STOX2: variants seen among roughly 807,000 people sequenced by gnomAD.
STOX2 encodes the protein storkhead-box protein 2.
STOX2 carries 28 observed loss-of-function variants against 60.9 expected under a neutral mutation model. The ratio of observed to expected loss-of-function variants is 0.46; its 90% CI spans 0.34 to 0.63. The LOEUF (loss-of-function observed/expected upper bound fraction) is 0.63. Among genes scored for constraint, STOX2 ranks in the 30% least tolerant of loss-of-function variants. STOX2 has a pLI of 0.01. For missense variants in STOX2, 1,024 were observed against 1,187.7 expected (o/e 0.86, Z 2.03); for synonymous variants, 472 against 463.9 (o/e 1.02, Z -0.22).
chr4:183,890,560 G>A lies in STOX2; in HGVS notation c.364+92505G>A, dbSNP rs1333105522. Among the ~76,000 whole-genome samples, 4 of 151,632 alleles carry A rather than the reference G, an allele frequency of 2.6e-5. No homozygotes were observed. The East Asian group carries it at 5.8e-4, about 22-fold the overall frequency. Reference sequence around the variant, plus strand: ...AAGGAAGGAGAGAGGGAGGAATGGAGGGAGGAAGGAAAGAAGGGAGGGAGG... The same window carrying A: ...AAGGAAGGAGAGAGGGAGGAATGGAAGGAGGAAGGAAAGAAGGGAGGGAGG... On this transcript the variant is annotated intron_variant, in intron 1 of 2. Coordinates refer to the STOX2 transcript ENST00000513034.
upstream of STOX2, among the ~76,000 whole-genome samples, chr4:183,902,466 A>G (rs930033071): frequency 6.6e-6 from 1 of 152,200 alleles, no homozygotes; most frequent in African/African-American, 2.4e-5. Flanking sequence ...TCATTCATTT[A>G]ATTCTAACTT....
intron 1 of STOX2, among the ~76,000 whole-genome samples, chr4:183,841,185 ATTTAT>A (rs940600949): frequency 6.8e-5 from 10 of 147,158 alleles, no homozygotes; most frequent in African/African-American, 2.5e-4. Flanking sequence ...CGTAGTATTT[ATTTAT>A]TTATTTATTT....
intron 1 of STOX2, among the ~76,000 whole-genome samples, chr4:183,803,706 T>G (rs1024003857): frequency 6.6e-6 from 1 of 152,156 alleles, no homozygotes; most frequent in Non-Finnish European, 1.5e-5. Context: ...CTCACACCTG[T>G]AATCCCAGCA....
intron 1 of STOX2, among the ~76,000 whole-genome samples, chr4:183,931,776 T>C (rs1472043169): frequency 6.6e-6 from 1 of 152,154 alleles, no homozygotes; most frequent in African/African-American, 2.4e-5. Flanking sequence ...AGAGCAGGCA[T>C]AAGCTGCAAC....
In STOX2 at chr4:184,009,284, C is replaced by G; in HGVS notation, c.446C>G (p.Ser149Cys). Residue 149 changes from serine (S) to cysteine (C), a missense_variant, in exon 3 of 4, where the codon TCC becomes TGC. Around this residue, in one of 3 missense-constraint regions of STOX2, gnomAD observed 922 missense variants for 1,058.3 expected, o/e 0.87. Coordinates refer to ENST00000308497, the MANE Select transcript of STOX2 (RefSeq NM_020225.3). The surrounding 1 kb of genome is among the most constrained non-coding windows in gnomAD (Gnocchi z 4.0). ...VTPQTYFITP[S>C]LIRTNSKWYH... is the part of the protein sequence containing the mutation. ...CCACAGACTTATTTCATAACTCCTT[C>G]CCTCATAAGAACTAACAGTAAATGG... 6.2e-7 allele frequency: 1 copy of G among 1,613,856 alleles called. No individual in the cohort carries two copies. Among genetic ancestry groups the G allele is most frequent in the Non-Finnish European group, 8.5e-7 (1 of 1,179,832 alleles).
In STOX2 at chr4:183,885,533, T is replaced by C. The variant is rs549947483; in HGVS notation, c.364+87478T>C. ...GAGGCCCCTCCATCTGTGGAGGCTGTGCAGGGTGCCGGCTGCCTCGCATTT... is the reference window on the plus strand; with the variant it reads ...GAGGCCCCTCCATCTGTGGAGGCTGCGCAGGGTGCCGGCTGCCTCGCATTT... On this transcript the variant is annotated intron_variant, in intron 1 of 2. Transcript: ENST00000513034. Among the ~76,000 whole-genome samples, 35 of 152,310 alleles carry C rather than the reference T, an allele frequency of 2.3e-4. 1 individual carries two copies. The South Asian group carries it at 6.8e-3, about 30-fold the overall frequency.
intron 1 of STOX2, chr4:183,987,899 G>GGA (rs1732916755): frequency 6.6e-6 from 1 of 152,248 alleles, no homozygotes; most frequent in Non-Finnish European, 1.5e-5. Flanking sequence ...ACACAACATA[G>GGA]GAAAATGTGG....
chr4:183,870,023 G>A (rs1436416709), intron 1 of STOX2, among the ~76,000 whole-genome samples: 2 of 152,180 alleles, frequency 1.3e-5, no homozygotes, highest in African/African-American at 4.8e-5. Flanking sequence ...ATTGATTTGG[G>A]ATGTCTCAGA....
At chr4:183,839,320 G>A (rs986019880) in intron 1 of STOX2, among the ~76,000 whole-genome samples, 8 of 152,112 alleles carry the variant, frequency 5.3e-5, no homozygotes, top group Admixed American at 2.0e-4. Context: ...TCAAATATGT[G>A]GGTACCGTGA....
chr4:183,864,325 A>T (rs1407040825), intron 1 of STOX2, among the ~76,000 whole-genome samples: 1 of 152,202 alleles, frequency 6.6e-6, no homozygotes, highest in Non-Finnish European at 1.5e-5. Flanking sequence ...CTTTGGATTA[A>T]AAAAACTAAA....
At position 184,001,084 on chromosome 4, in the gene STOX2, G is replaced by A. The variant is rs1467220306; in HGVS notation, c.167-241G>A. Among the ~76,000 whole-genome samples, 2 of 152,150 alleles carry A rather than the reference G, an allele frequency of 1.3e-5. No homozygotes were observed. The highest frequency in any genetic ancestry group is 6.5e-5 in the Admixed American group (1 of 15,276). On this transcript the variant is annotated intron_variant, in intron 1 of 3. Transcript: ENST00000308497. The surrounding 1 kb of genome is among the most constrained non-coding windows in gnomAD (Gnocchi z 4.2). Reference sequence around the variant, plus strand: ...ACTAGGACTATTTAAATGAGATCTCGGATGTTAAAGGGAAGTTTTATTTGT... The same window carrying A: ...ACTAGGACTATTTAAATGAGATCTCAGATGTTAAAGGGAAGTTTTATTTGT...
intron 1 of STOX2, among the ~76,000 whole-genome samples, chr4:183,967,374 A>G (rs557737015): frequency 1.6e-5 from 2 of 128,828 alleles, no homozygotes; most frequent in Non-Finnish European, 3.2e-5. Context: ...CTCAAGAGAA[A>G]AAAAAAAAAA....
At chr4:183,905,193 C>T (rs1415231855), upstream of STOX2, among the ~76,000 whole-genome samples, 2 of 152,246 alleles carry the variant, frequency 1.3e-5, no homozygotes, top group Non-Finnish European at 2.9e-5. Flanking sequence ...GGCGTGACCT[C>T]CGGGTCCCAG....
chr4:183,843,213 G>T (rs1429913700), intron 1 of STOX2, among the ~76,000 whole-genome samples: 1 of 151,962 alleles, frequency 6.6e-6, no homozygotes, highest in Non-Finnish European at 1.5e-5. Context: ...ATTGCAGGTG[G>T]TATCCCAATC....
At chr4:183,908,241 A>G (rs1271989115) in intron 1 of STOX2, among the ~76,000 whole-genome samples, 7 of 152,260 alleles carry the variant, frequency 4.6e-5, no homozygotes, top group Admixed American at 4.6e-4. Context: ...CCAAATTCGT[A>G]AAGAAAGTGA....
At chr4:183,956,103 G>A (rs1743240268) in intron 1 of STOX2, among the ~76,000 whole-genome samples, 1 of 152,104 alleles carries the variant, frequency 6.6e-6, no homozygotes, top group Admixed American at 6.5e-5. Context: ...CCTAGGTTGA[G>A]AGGTAACTGT....
At chr4:183,912,381 C>A (rs1406278065) in intron 1 of STOX2, among the ~76,000 whole-genome samples, 1 of 152,190 alleles carries the variant, frequency 6.6e-6, no homozygotes, top group Admixed American at 6.5e-5. Flanking sequence ...TCCACCTCTT[C>A]TTCTCTTTCC....
At chr4:183,986,060 C>T (rs1037485152) in intron 1 of STOX2, among the ~76,000 whole-genome samples, 6 of 151,424 alleles carry the variant, frequency 4.0e-5, no homozygotes, top group African/African-American at 1.5e-4. Flanking sequence ...AAGCTAGTGG[C>T]TTATCAACGA....
Position 184,001,554 on chromosome 4 carries a change from C to T in STOX2, c.319+77C>T. ...TCTAGGACTCACGTGGACTGTTCTG[C>T]CCATGTTTAAAGAGAATAGGAAAAC... On this transcript the variant is annotated intron_variant, in intron 2 of 3. Transcript: ENST00000308497. The surrounding 1 kb of genome is among the most constrained non-coding windows in gnomAD (Gnocchi z 4.2). 1 of 1,406,530 alleles carries T rather than the reference C, an allele frequency of 7.1e-7. No individual in the cohort carries two copies. Among genetic ancestry groups the T allele is most frequent in the South Asian group, 1.3e-5 (1 of 75,410 alleles). The allele number at this position is 1,406,530 out of a possible 1,614,324, so 87.1% of individuals were successfully genotyped here.
Sources: gnomAD v4.1 joint callset for allele counts (sites outside exome capture counted in the v4.1 genomes callset) on GRCh38, gnomAD v4.1.1 for gene constraint, gnomAD v4.1.1 regional missense constraint, Gnocchi (gnomAD v3.1) non-coding constraint, MANE v1.5 for transcripts, NCBI Gene and HGNC (gene_info 2026-07-23, HGNC 2026-07-21) for gene names.